The following POU6F2 variants were observed in gnomAD, a reference collection of about 807,000 sequenced individuals.
POU6F2 encodes POU domain, class 6, transcription factor 2.
A neutral mutation model predicts 71.3 loss-of-function variants in POU6F2; 31 were observed. That is an observed-to-expected ratio of 0.43 (90% CI 0.33 to 0.59). The LOEUF (loss-of-function observed/expected upper bound fraction) is 0.59. Ranked by LOEUF, POU6F2 falls within the 20% of genes least tolerant of loss-of-function variation. The pLI is 0.04. For synonymous variants in POU6F2, 347 were observed against 355.7 expected (o/e 0.98, Z 0.27); for missense variants, 783 against 856.8 (o/e 0.91, Z 1.07).
rs189526400 is a variant in POU6F2 at position 39,440,395 on chromosome 7, T to C, written c.1320+7112T>C. On this transcript the variant is annotated intron_variant, in intron 7 of 9. Coordinates refer to ENST00000518318, the MANE Select transcript of POU6F2 (RefSeq NM_001370959.1). ...TTTCTTCATTCCTTTTCTTTCTTTTTTTCTCTAGTCTTGTCTGCATGCCTT... is the reference window on the plus strand; with the variant it reads ...TTTCTTCATTCCTTTTCTTTCTTTTCTTCTCTAGTCTTGTCTGCATGCCTT... 4.1e-3 allele frequency among the ~76,000 whole-genome samples: 623 copies of C among 152,332 alleles called. 2 individuals are homozygous for C. The highest frequency in any genetic ancestry group is 0.014 in the African/African-American group (572 of 41,572).
intron 2 of POU6F2, among the ~76,000 whole-genome samples, chr7:39,087,935 G>C (rs78050863): frequency 0.014 from 2,186 of 152,142 alleles, 44 homozygotes; most frequent in African/African-American, 0.049. Context: ...AATTCCAAGA[G>C]GGTCAAAGAG....
chr7:39,378,225 G>C (rs1472427441), intron 5 of POU6F2, among the ~76,000 whole-genome samples: 1 of 152,194 alleles, frequency 6.6e-6, no homozygotes, highest in African/African-American at 2.4e-5. Flanking sequence ...AAAAAGAGTA[G>C]TTTACGGGTG....
intron 5 of POU6F2, among the ~76,000 whole-genome samples, chr7:39,388,554 G>A (rs1277022222): frequency 5.9e-5 from 9 of 152,252 alleles, no homozygotes; most frequent in Admixed American, 3.9e-4. Context: ...GACCTCAGGC[G>A]ATCCACCCAC....
intron 6 of POU6F2, among the ~76,000 whole-genome samples, chr7:39,420,914 C>T (rs1448408927): frequency 1.3e-5 from 2 of 152,122 alleles, no homozygotes; most frequent in Non-Finnish European, 2.9e-5. Flanking sequence ...AAAATCATTA[C>T]ATTTATCGAT....
chr7:39,321,906 C>T (rs1205746425), intron 4 of POU6F2, among the ~76,000 whole-genome samples: 5 of 151,194 alleles, frequency 3.3e-5, no homozygotes, highest in African/African-American at 1.2e-4. Context: ...GAGAGAGAGA[C>T]AGAGAGAGAG....
chr7:39,221,148 G>A (rs1215474942), intron 4 of POU6F2, among the ~76,000 whole-genome samples: 1 of 152,020 alleles, frequency 6.6e-6, no homozygotes, highest in African/African-American at 2.4e-5. Context: ...GGCAACACAG[G>A]CCTAGAGGAT....
intron 1 of POU6F2, among the ~76,000 whole-genome samples, chr7:39,007,533 T>A (rs1363805055): frequency 6.6e-6 from 1 of 152,206 alleles, no homozygotes; most frequent in South Asian, 2.1e-4. Context: ...TGTACTTTTT[T>A]TTCTTATTAT....
At position 39,339,688 on chromosome 7, in the gene POU6F2, C is replaced by CCAG. The variant is rs751710078; in HGVS notation, c.674_676dup (p.Gln225dup). ...AGCTCCAGCAGCTCCAGCTCCAGCT[C>CCAG]CAGCAGCAGCAGCAGCAGCAGCAGC... On this transcript the variant is annotated inframe_insertion, in exon 5 of 10. Coordinates refer to ENST00000518318, the MANE Select transcript of POU6F2 (RefSeq NM_001370959.1). The CCAG allele has an allele frequency of 1.9e-3, 3,045 of 1,597,974 alleles. No homozygotes were observed. Among genetic ancestry groups the CCAG allele is most frequent in the Non-Finnish European group, 2.2e-3 (2,603 of 1,174,990 alleles).
At chr7:39,441,196 T>C (rs2116070504) in intron 7 of POU6F2, among the ~76,000 whole-genome samples, 1 of 152,146 alleles carries the variant, frequency 6.6e-6, no homozygotes, top group Non-Finnish European at 1.5e-5. Context: ...ACAGGACCTG[T>C]TAAACGTGTA....
chr7:39,418,025 T>G (rs7792157), intron 6 of POU6F2, among the ~76,000 whole-genome samples: 67,866 of 152,128 alleles, frequency 0.45, 16,479 homozygotes, highest in East Asian at 0.7. Context: ...ATATTACTTT[T>G]TCTTTACTAC....
intron 5 of POU6F2, among the ~76,000 whole-genome samples, chr7:39,392,868 A>G (rs954978838): frequency 9.2e-5 from 14 of 152,172 alleles, no homozygotes; most frequent in South Asian, 2.1e-4. Flanking sequence ...ACATTTCTCA[A>G]TAGTCACAGG....
chr7:39,098,279 A>T (rs1791496065), intron 2 of POU6F2, among the ~76,000 whole-genome samples: 1 of 150,462 alleles, frequency 6.6e-6, no homozygotes, highest in Non-Finnish European at 1.5e-5. Context: ...TATTTATTTT[A>T]TTTTTATTAT....
chr7:39,437,057 A>G (rs1788262299), intron 7 of POU6F2, among the ~76,000 whole-genome samples: 1 of 152,206 alleles, frequency 6.6e-6, no homozygotes, highest in Non-Finnish European at 1.5e-5. Flanking sequence ...ATCTGTGTTC[A>G]TCAGGAATAT....
intron 1 of POU6F2, among the ~76,000 whole-genome samples, chr7:39,033,996 A>G (rs1380912290): frequency 6.6e-6 from 1 of 152,240 alleles, no homozygotes; most frequent in Non-Finnish European, 1.5e-5. Flanking sequence ...GGGATGCCGT[A>G]GAATTTTTCA....
chr7:39,041,998 A>G (rs1411560374), intron 1 of POU6F2, among the ~76,000 whole-genome samples: 1 of 151,940 alleles, frequency 6.6e-6, no homozygotes, highest in Non-Finnish European at 1.5e-5. Flanking sequence ...AGAGTGTTGA[A>G]ACTGATAGTT....
intron 5 of POU6F2, among the ~76,000 whole-genome samples, chr7:39,393,402 G>T (rs906871441): frequency 2.0e-5 from 3 of 152,100 alleles, no homozygotes; most frequent in African/African-American, 7.2e-5. Context: ...GCTGCTTTTC[G>T]AATCATCTGC....
At chr7:39,152,635 G>GT (rs1792785312) in intron 2 of POU6F2, among the ~76,000 whole-genome samples, 3 of 152,038 alleles carry the variant, frequency 2.0e-5, no homozygotes, top group Non-Finnish European at 4.4e-5. Context: ...TCACTCCCTA[G>GT]GTCCCCTGAC....
At chr7:39,095,181 G>A (rs756484229) in intron 2 of POU6F2, among the ~76,000 whole-genome samples, 3 of 152,190 alleles carry the variant, frequency 2.0e-5, no homozygotes, top group Non-Finnish European at 4.4e-5. Flanking sequence ...ACTGTTTTAA[G>A]TGTTGATTGG....
chr7:39,222,161 C>G (rs967982931), intron 4 of POU6F2, among the ~76,000 whole-genome samples: 1 of 152,184 alleles, frequency 6.6e-6, no homozygotes, highest in African/African-American at 2.4e-5. Context: ...ACCACAACAT[C>G]AGACATATTT....
Sources: allele counts gnomAD v4.1 joint callset (sites outside exome capture counted in the v4.1 genomes callset), GRCh38; gene constraint gnomAD v4.1.1; transcripts MANE v1.5; gene names NCBI Gene and HGNC (gene_info 2026-07-23, HGNC 2026-07-21).